The following SPOCK3 variants were observed in gnomAD, a reference collection of about 807,000 sequenced individuals.
SPOCK3 encodes SPARC (osteonectin), cwcv and kazal like domains proteoglycan 3, also known as testican-3.
In SPOCK3, 30 loss-of-function variants were observed where a neutral mutation model predicts 56.6. The observed-to-expected ratio is 0.53, with a 90% CI of 0.40 to 0.72. The LOEUF (loss-of-function observed/expected upper bound fraction) is 0.72, where lower values mean the gene tolerates loss of function less well. Ranked by LOEUF, SPOCK3 falls within the 30% of genes least tolerant of loss-of-function variation. The pLI is 0.00. For missense variants in SPOCK3, 527 were observed against 530.0 expected (o/e 0.99, Z 0.06); for synonymous variants, 196 against 183.3 (o/e 1.07, Z -0.56).
chr4:167,161,565 A>G (rs961186158), intron 2 of SPOCK3, among the ~76,000 whole-genome samples: 3 of 152,196 alleles, frequency 2.0e-5, no homozygotes, highest in Non-Finnish European at 4.4e-5. Flanking sequence ...ATTATAAACC[A>G]TGCTGCTATA....
At chr4:167,112,458 T>G (rs545344549) in intron 2 of SPOCK3, among the ~76,000 whole-genome samples, 1 of 152,222 alleles carries the variant, frequency 6.6e-6, no homozygotes, top group Admixed American at 6.6e-5. Flanking sequence ...CATTCCCATA[T>G]GAAAGAAACA....
At chr4:167,172,702 T>G (rs1156449726) in intron 2 of SPOCK3, among the ~76,000 whole-genome samples, 1 of 152,160 alleles carries the variant, frequency 6.6e-6, no homozygotes, top group Non-Finnish European at 1.5e-5. Flanking sequence ...ACATTTTTCA[T>G]AGAGAATATC....
At chr4:167,104,093 A>T (rs1211719400) in intron 2 of SPOCK3, among the ~76,000 whole-genome samples, 2 of 152,174 alleles carry the variant, frequency 1.3e-5, no homozygotes, top group Non-Finnish European at 2.9e-5. Flanking sequence ...TCAAGTACGT[A>T]AAAAGTCTTC....
chr4:166,762,936 G>T (rs1579142835), intron 7 of SPOCK3, among the ~76,000 whole-genome samples: 1 of 152,028 alleles, frequency 6.6e-6, no homozygotes, highest in Non-Finnish European at 1.5e-5. Context: ...TAACATATCA[G>T]CAATTGAGGT....
At chr4:166,932,349 C>G (rs1291901367) in intron 4 of SPOCK3, among the ~76,000 whole-genome samples, 1 of 152,112 alleles carries the variant, frequency 6.6e-6, no homozygotes, top group Non-Finnish European at 1.5e-5. Context: ...TTACCAAAAG[C>G]CTTTTTCCTA....
chr4:166,915,754 G>A (rs1213466839), intron 4 of SPOCK3, among the ~76,000 whole-genome samples: 1 of 151,624 alleles, frequency 6.6e-6, no homozygotes, highest in African/African-American at 2.4e-5. Context: ...TAGATCTGGG[G>A]AGAGCACAAC....
At chr4:166,848,911 T>C (rs1748382539) in intron 6 of SPOCK3, among the ~76,000 whole-genome samples, 1 of 152,218 alleles carries the variant, frequency 6.6e-6, no homozygotes, top group African/African-American at 2.4e-5. Flanking sequence ...TAACAGGTGA[T>C]GTAAACTATG....
intron 7 of SPOCK3, among the ~76,000 whole-genome samples, chr4:166,771,624 C>A (rs1421099885): frequency 6.6e-6 from 1 of 151,964 alleles, no homozygotes; most frequent in Non-Finnish European, 1.5e-5. Flanking sequence ...AAAAGATAAA[C>A]TCTTAGTTCT....
At chr4:167,068,090 C>T (rs540120594) in intron 2 of SPOCK3, among the ~76,000 whole-genome samples, 36 of 93,596 alleles carry the variant, frequency 3.8e-4, no homozygotes, top group Non-Finnish European at 6.5e-4. Context: ...TAATAAAATG[C>T]TAAAAAGAAT....
At chr4:166,772,841 G>T (rs1182157066) in intron 7 of SPOCK3, among the ~76,000 whole-genome samples, 1 of 152,048 alleles carries the variant, frequency 6.6e-6, no homozygotes. Context: ...ACCCAGGCTG[G>T]ATGCAGTGGT....
intron 6 of SPOCK3, among the ~76,000 whole-genome samples, chr4:166,879,732 T>C (rs1159440366): frequency 6.6e-6 from 1 of 152,158 alleles, no homozygotes; most frequent in African/African-American, 2.4e-5. Flanking sequence ...TGAATACTGA[T>C]ATGGTTTGGA....
intron 5 of SPOCK3, among the ~76,000 whole-genome samples, chr4:166,911,543 T>G (rs1414684141): frequency 6.6e-6 from 1 of 152,122 alleles, no homozygotes; most frequent in African/African-American, 2.4e-5. Flanking sequence ...TTGTTTTTGT[T>G]TTTTGTTTTT....
Position 167,058,867 on chromosome 4 carries a change from C to T in SPOCK3, c.235+3625G>A, listed in dbSNP as rs201757115. Among the ~76,000 whole-genome samples the T allele has an allele frequency of 2.0e-5, 3 of 152,182 alleles. No homozygotes were observed. In the East Asian group the frequency reaches 5.8e-4, roughly 29 times the overall value. ...CGCCATGTATCTACAACTACCTGGT[C>T]TTTGACAAACCTGAGAAAAACAAGC... On this transcript the variant is annotated intron_variant, in intron 3 of 10. Transcript: ENST00000357545.
chr4:166,742,120 C>T, intron 8 of SPOCK3, 61 bp from the exon 9 acceptor site: 1 of 1,235,506 alleles, frequency 8.1e-7, no homozygotes. Flanking sequence ...AGTGTAATTT[C>T]TATGTTATCA....
intron 4 of SPOCK3, among the ~76,000 whole-genome samples, chr4:166,953,756 C>T (rs4446345): frequency 0.11 from 16,490 of 151,920 alleles, 999 homozygotes; most frequent in African/African-American, 0.15. Context: ...TATGCAGCCA[C>T]AAAAAATGAT....
At chr4:167,097,435 G>C (rs965545134) in intron 2 of SPOCK3, among the ~76,000 whole-genome samples, 3 of 151,300 alleles carry the variant, frequency 2.0e-5, no homozygotes, top group African/African-American at 4.9e-5. Flanking sequence ...AAAAATCTGT[G>C]TCTTACATTG....
At chr4:166,828,200 G>T (rs1019436058) in intron 6 of SPOCK3, among the ~76,000 whole-genome samples, 4 of 151,900 alleles carry the variant, frequency 2.6e-5, no homozygotes, top group African/African-American at 9.6e-5. Context: ...CATAGAACTA[G>T]ACTGAATATT....
rs114722856 is a variant in SPOCK3 at position 166,957,425 on chromosome 4, G to C, written c.350+42924C>G. 5.0e-3 allele frequency among the ~76,000 whole-genome samples: 768 copies of C among 152,208 alleles called. 12 individuals are homozygous for C. Among genetic ancestry groups the C allele is most frequent in the African/African-American group, 0.018 (732 of 41,538 alleles). ...ACTTCCCTTTAGTAATAATACATCA[G>C]CCTGAACTCCTGACTTCCTCATTCC... On this transcript the variant is annotated intron_variant, in intron 4 of 10. Transcript: ENST00000357545.
At chr4:166,946,006 A>G (rs1230938043) in intron 4 of SPOCK3, among the ~76,000 whole-genome samples, 1 of 148,576 alleles carries the variant, frequency 6.7e-6, no homozygotes, top group Non-Finnish European at 1.5e-5. Context: ...GTCTGCCCTA[A>G]CCACTCTGCA....
Sources: gnomAD v4.1 joint callset for allele counts (sites outside exome capture counted in the v4.1 genomes callset) on GRCh38, gnomAD v4.1.1 for gene constraint, MANE v1.5 for transcripts, NCBI Gene and HGNC (gene_info 2026-07-23, HGNC 2026-07-21) for gene names.